The following GABBR2 variants were observed in gnomAD, a reference collection of about 807,000 sequenced individuals.
The protein encoded by GABBR2 is G-protein coupled receptor 51.
Under a neutral mutation model 105.6 loss-of-function variants are expected in GABBR2, and 23 were observed. The observed-to-expected ratio is 0.22, with a 90% confidence interval of 0.16 to 0.31. GABBR2 has a LOEUF of 0.31. Ranked by LOEUF, GABBR2 falls within the 10% of genes least tolerant of loss-of-function variation. GABBR2 has a pLI of 1.00. For synonymous variants in GABBR2, 478 were observed against 499.7 expected (o/e 0.96, Z 0.58); for missense variants, 734 against 1,245.5 (o/e 0.59, Z 6.18).
chr9:98,442,868 C>T (rs531414866), intron 7 of GABBR2, among the ~76,000 whole-genome samples: 1 of 152,304 alleles, frequency 6.6e-6, no homozygotes, highest in Admixed American at 6.5e-5. Flanking sequence ...TCCCTGTGTG[C>T]CTGGCTGTCT....
intron 1 of GABBR2, among the ~76,000 whole-genome samples, chr9:98,580,540 C>A (rs913686685): frequency 6.6e-6 from 1 of 152,186 alleles, no homozygotes; most frequent in Non-Finnish European, 1.5e-5. Flanking sequence ...GTAATCCTAG[C>A]ACTTTGGGAG....
In GABBR2 at chr9:98,393,085, T is replaced by C. The variant is rs577027148; in HGVS notation, c.1378+1090A>G. The stretch of plus-strand genomic sequence containing the variant: ...ATCCATCCATCCACACACCCACTCA[T>C]CCACCCAACCATCCATCCATCCACT... On this transcript the variant is annotated intron_variant, in intron 9 of 18. Coordinates refer to ENST00000259455, the MANE Select transcript of GABBR2 (RefSeq NM_005458.8). 1.2e-4 allele frequency among the ~76,000 whole-genome samples: 17 copies of C among 136,062 alleles called. No individual in the cohort carries two copies. In the East Asian group the frequency reaches 3.9e-3, roughly 31 times the overall value. The allele number at this position is 136,062 out of a possible 152,430, so 89.3% of individuals were successfully genotyped here.
At chr9:98,356,765 C>T (rs1831492269) in intron 13 of GABBR2, among the ~76,000 whole-genome samples, 1 of 152,116 alleles carries the variant, frequency 6.6e-6, no homozygotes, top group South Asian at 2.1e-4. Flanking sequence ...AACTAAGATG[C>T]CCTTCGGTGG....
At chr9:98,669,935 A>T (rs1830386198) in intron 1 of GABBR2, among the ~76,000 whole-genome samples, 1 of 151,756 alleles carries the variant, frequency 6.6e-6, no homozygotes, top group Admixed American at 6.6e-5. Context: ...AGGTAGAACC[A>T]AGAGAACGCA....
chr9:98,539,908 T>A lies in GABBR2; in HGVS notation c.630+1965A>T, dbSNP rs28445421. Among the ~76,000 whole-genome samples, 247 of 137,096 alleles carry A rather than the reference T, an allele frequency of 1.8e-3. 1 individual carries two copies. The highest frequency in any genetic ancestry group is 6.5e-3 in the African/African-American group (232 of 35,886). 89.9% of individuals were successfully genotyped at this position (137,096 alleles called of 152,430 possible). A position where few individuals can be genotyped will look rare whatever the true frequency, so the allele number is the denominator to read the frequency against. On this transcript the variant is annotated intron_variant, in intron 3 of 18. Coordinates refer to ENST00000259455, the MANE Select transcript of GABBR2 (RefSeq NM_005458.8). ...TCCAGCCTGGTGACAGAGTGAGACT[T>A]CGTCTAAAAAAAAAAAAAAAAAAAG...
intron 6 of GABBR2, among the ~76,000 whole-genome samples, chr9:98,463,719 T>G (rs1169203847): frequency 2.6e-5 from 4 of 152,096 alleles, no homozygotes; most frequent in Non-Finnish European, 5.9e-5. Context: ...CGCTGCAACC[T>G]CCCTGCCTCG....
chr9:98,618,991 AAC>A (rs1829631798), intron 1 of GABBR2, among the ~76,000 whole-genome samples: 1 of 152,222 alleles, frequency 6.6e-6, no homozygotes, highest in Non-Finnish European at 1.5e-5. Context: ...AAAAAGAGAA[AAC>A]ATTCAATAAG....
At chr9:98,393,953 A>G (rs1832241043) in intron 9 of GABBR2, among the ~76,000 whole-genome samples, 1 of 152,218 alleles carries the variant, frequency 6.6e-6, no homozygotes, top group East Asian at 1.9e-4. Context: ...TGGTTTAAAC[A>G]CCTCAGTGTG....
At chr9:98,528,650 A>G (rs1394116796) in intron 3 of GABBR2, among the ~76,000 whole-genome samples, 2 of 152,236 alleles carry the variant, frequency 1.3e-5, no homozygotes, top group Non-Finnish European at 2.9e-5. Context: ...AAAAGTGCCA[A>G]CAACATGAAC....
At chr9:98,390,375 CAAAAAA>C (rs61216428) in intron 9 of GABBR2, among the ~76,000 whole-genome samples, 1 of 32,444 alleles carries the variant, frequency 3.1e-5, no homozygotes, top group African/African-American at 1.0e-4. Flanking sequence ...CTCCATCTCA[CAAAAAA>C]AAAAAAAAAA....
intron 3 of GABBR2, among the ~76,000 whole-genome samples, chr9:98,534,180 A>C (rs532588026): frequency 9.8e-4 from 150 of 152,294 alleles, no homozygotes; most frequent in African/African-American, 3.5e-3. Context: ...TTTGAAGAGG[A>C]AGCTCTGCAG....
chr9:98,472,262 T>C (rs1201012284), intron 6 of GABBR2, among the ~76,000 whole-genome samples: 1 of 152,214 alleles, frequency 6.6e-6, no homozygotes, highest in Non-Finnish European at 1.5e-5. Flanking sequence ...AGGGCTATCA[T>C]CACCTGATCT....
At chr9:98,471,561 C>T (rs980391094) in intron 6 of GABBR2, among the ~76,000 whole-genome samples, 6 of 152,246 alleles carry the variant, frequency 3.9e-5, no homozygotes, top group African/African-American at 1.4e-4. Flanking sequence ...CCCACCCTGG[C>T]TGAAAGCCAC....
At chr9:98,622,621 T>C (rs2131822527) in intron 1 of GABBR2, among the ~76,000 whole-genome samples, 1 of 152,330 alleles carries the variant, frequency 6.6e-6, no homozygotes, top group Non-Finnish European at 1.5e-5. Flanking sequence ...ACCATGGCAC[T>C]CCTCAGCTCA....
At chr9:98,651,801 A>C (rs1165665134) in intron 1 of GABBR2, among the ~76,000 whole-genome samples, 1 of 152,242 alleles carries the variant, frequency 6.6e-6, no homozygotes, top group Non-Finnish European at 1.5e-5. Flanking sequence ...TGATTCAAAA[A>C]CAAACTCAAA....
intron 7 of GABBR2, among the ~76,000 whole-genome samples, chr9:98,424,487 T>A (rs2131560079): frequency 6.6e-6 from 1 of 152,172 alleles, no homozygotes; most frequent in Non-Finnish European, 1.5e-5. Context: ...GCCAGGGCAA[T>A]TAGGCAGGAG....
chr9:98,429,338 A>C (rs1825758886), intron 7 of GABBR2, among the ~76,000 whole-genome samples: 1 of 151,978 alleles, frequency 6.6e-6, no homozygotes, highest in African/African-American at 2.4e-5. Context: ...ACCGGGTTTC[A>C]CCATGCTGGC....
rs747852714 is a variant in GABBR2, at chr9:98,371,446, CA to C, written c.1770+17del. The C allele has an allele frequency of 1.6e-6, 2 of 1,262,502 alleles. No homozygotes were observed. The highest frequency in any genetic ancestry group is 2.3e-6 in the Non-Finnish European group (2 of 858,962). 78.2% of individuals were successfully genotyped at this position (1,262,502 alleles called of 1,614,324 possible). On this transcript the variant is annotated intron_variant, in intron 12 of 18. Transcript: ENST00000259455. ...GGTGAACACTACTAATACCCTGAAA[CA>C]GAAGGAGAGTGATTACCTTCTTCTT...
intron 1 of GABBR2, among the ~76,000 whole-genome samples, chr9:98,639,794 C>G (rs982624734): frequency 6.6e-6 from 1 of 152,032 alleles, no homozygotes; most frequent in African/African-American, 2.4e-5. Flanking sequence ...CCAAGGGTCC[C>G]GGTGGTCTCA....
Sources: allele counts gnomAD v4.1 joint callset (sites outside exome capture counted in the v4.1 genomes callset), GRCh38; gene constraint gnomAD v4.1.1; transcripts MANE v1.5; gene names NCBI Gene and HGNC (gene_info 2026-07-23, HGNC 2026-07-21).